CCNY: variants seen among roughly 807,000 people sequenced by gnomAD.
CCNY encodes cyclin-Y.
In CCNY, 19 loss-of-function variants were observed where a neutral mutation model predicts 42.8. That is an observed-to-expected ratio of 0.44 (90% confidence interval 0.31 to 0.65). The LOEUF is 0.65. Among genes scored for constraint, CCNY ranks in the 30% least tolerant of loss-of-function variants. The pLI is 0.07. For missense variants in CCNY, 370 were observed against 437.3 expected (o/e 0.85, Z 1.37); for synonymous variants, 165 against 162.7 (o/e 1.01, Z -0.11).
chr10:35,260,889 T>G (rs34195979), intron 3 of CCNY, among the ~76,000 whole-genome samples: 1 of 151,982 alleles, frequency 6.6e-6, no homozygotes, highest in Non-Finnish European at 1.5e-5. Flanking sequence ...GGCAGGAAGA[T>G]TGCTCAAAGC....
At chr10:35,338,202 A>G (rs1412082534) in intron 1 of CCNY, among the ~76,000 whole-genome samples, 2 of 152,216 alleles carry the variant, frequency 1.3e-5, no homozygotes, top group Admixed American at 1.3e-4. Flanking sequence ...ACAACTTCAT[A>G]ATTCGTTCCT....
chr10:35,250,596 G>T (rs148817546), exon 3 of CCNY: 1 of 152,286 alleles, frequency 6.6e-6, no homozygotes, highest in African/African-American at 2.4e-5. Flanking sequence ...TTCTGTGCAC[G>T]TTCAGTCTGA....
chr10:35,374,726 A>T (rs1194187355), intron 1 of CCNY, among the ~76,000 whole-genome samples: 2 of 152,248 alleles, frequency 1.3e-5, no homozygotes, highest in African/African-American at 4.8e-5. Flanking sequence ...TTGTATTTAT[A>T]GCATACTAGA....
In CCNY at chr10:35,420,657, A is replaced by T. The variant is rs532894402; in HGVS notation, c.155-62747A>T. Among the ~76,000 whole-genome samples the T allele has an allele frequency of 2.0e-4, 31 of 152,324 alleles. No homozygotes were observed. In the South Asian group the frequency reaches 5.8e-3, roughly 29 times the overall value. ...AGTCGCAATCTCACACCAGAATCTC[A>T]CTGGAAAACAAAATCAGACTCTCAC... On this transcript the variant is annotated intron_variant, in intron 1 of 9. Transcript: ENST00000374704.
At chr10:35,417,047 G>A (rs909210159) in intron 1 of CCNY, among the ~76,000 whole-genome samples, 2 of 152,234 alleles carry the variant, frequency 1.3e-5, no homozygotes, top group African/African-American at 4.8e-5. Context: ...TTCTTCAGCA[G>A]TAACACAGAG....
intron 1 of CCNY, among the ~76,000 whole-genome samples, chr10:35,417,049 AAC>A (rs942067404): frequency 3.3e-5 from 5 of 152,234 alleles, no homozygotes; most frequent in African/African-American, 1.2e-4. Context: ...CTTCAGCAGT[AAC>A]ACAGAGTCGA....
chr10:35,325,808 G>A (rs977356533), intron 3 of CCNY, among the ~76,000 whole-genome samples: 1 of 152,118 alleles, frequency 6.6e-6, no homozygotes, highest in Non-Finnish European at 1.5e-5. Flanking sequence ...GTCAGGCCTG[G>A]TGGTTCATGC....
Position 35,466,015 on chromosome 10 carries a change from G to A in CCNY, c.155-17389G>A, listed in dbSNP as rs541385106. On this transcript the variant is annotated intron_variant, in intron 1 of 9. Transcript: ENST00000374704. ...CTGTGGAAAGAAGCTCCTTGAGAGCGAGGACTGGATCTGAAATACCTCTCT... is the reference window on the plus strand; with the variant it reads ...CTGTGGAAAGAAGCTCCTTGAGAGCAAGGACTGGATCTGAAATACCTCTCT... Among the ~76,000 whole-genome samples the A allele has an allele frequency of 2.2e-4, 33 of 152,036 alleles. 1 individual carries two copies. The East Asian group carries it at 6.2e-3, about 29-fold the overall frequency.
chr10:35,375,237 T>C (rs1178593821), intron 1 of CCNY, among the ~76,000 whole-genome samples: 1 of 152,228 alleles, frequency 6.6e-6, no homozygotes, highest in Non-Finnish European at 1.5e-5. Flanking sequence ...CAGTAGGCTG[T>C]GTTTCCTGTT....
At position 35,394,492 on chromosome 10, in the gene CCNY, G is replaced by A. The variant is rs563026075; in HGVS notation, c.154+57285G>A. The stretch of plus-strand genomic sequence containing the variant: ...CATTTGTTTAAAAGACTCATGATGG[G>A]GACAAGGGGGGTTAGGTTGATTGGC... On this transcript the variant is annotated intron_variant, in intron 1 of 9. Coordinates refer to ENST00000374704, the MANE Select transcript of CCNY (RefSeq NM_145012.6). Among the ~76,000 whole-genome samples, 138 of 152,296 alleles carry A rather than the reference G, an allele frequency of 9.1e-4. 1 individual carries two copies. Among genetic ancestry groups the A allele is most frequent in the African/African-American group, 3.0e-3 (123 of 41,564 alleles).
intron 1 of CCNY, among the ~76,000 whole-genome samples, chr10:35,468,360 C>T (rs112093567): frequency 0.028 from 4,208 of 152,208 alleles, 84 homozygotes; most frequent in Middle Eastern, 0.044. Flanking sequence ...TGGGGGGACA[C>T]AAATATTCAG....
intron 1 of CCNY, among the ~76,000 whole-genome samples, chr10:35,398,123 A>G (rs770279239): frequency 3.9e-5 from 6 of 152,170 alleles, no homozygotes; most frequent in African/African-American, 7.2e-5. Context: ...GAGCAAAGCC[A>G]TATGATCAAG....
intron 7 of CCNY, among the ~76,000 whole-genome samples, chr10:35,552,385 C>T (rs574016243): frequency 5.3e-5 from 8 of 152,190 alleles, no homozygotes; most frequent in Non-Finnish European, 1.0e-4. Flanking sequence ...TATTATTTAA[C>T]GGGTATAGAG....
intron 1 of CCNY, among the ~76,000 whole-genome samples, chr10:35,425,568 A>G (rs927223447): frequency 3.9e-5 from 6 of 152,242 alleles, no homozygotes; most frequent in Non-Finnish European, 7.3e-5. Context: ...AAGTGTGAAT[A>G]TGGAAAGGTA....
chr10:35,458,144 T>A (rs2135324625), intron 1 of CCNY, among the ~76,000 whole-genome samples: 1 of 152,356 alleles, frequency 6.6e-6, no homozygotes. Context: ...TGTTTCTGCA[T>A]ACTTGTGCTT....
chr10:35,384,204 C>T (rs1042185767), intron 1 of CCNY, among the ~76,000 whole-genome samples: 1 of 151,872 alleles, frequency 6.6e-6, no homozygotes, highest in Non-Finnish European at 1.5e-5. Context: ...AGGACAATGA[C>T]GGGGATTAAA....
chr10:35,352,692 G>C (rs1836454606), intron 1 of CCNY, among the ~76,000 whole-genome samples: 1 of 152,216 alleles, frequency 6.6e-6, no homozygotes, highest in Admixed American at 6.5e-5. Context: ...AGGTGAGACA[G>C]ATGCAAATAA....
chr10:35,565,193 A>G (rs1413409733), intron 8 of CCNY, among the ~76,000 whole-genome samples: 1 of 152,234 alleles, frequency 6.6e-6, no homozygotes, highest in East Asian at 1.9e-4. Context: ...CCAGCATTCC[A>G]TCAACATGTA....
In CCNY at chr10:35,352,211, T is replaced by C. The variant is rs558772396; in HGVS notation, c.154+15004T>C. Among the ~76,000 whole-genome samples the C allele has an allele frequency of 5.6e-4, 86 of 152,300 alleles. 2 individuals are homozygous for C. The South Asian group carries it at 0.017, about 31-fold the overall frequency. On this transcript the variant is annotated intron_variant, in intron 1 of 9. Coordinates refer to ENST00000374704, the MANE Select transcript of CCNY (RefSeq NM_145012.6). ...TGTCAGTTCTTCAGTTTGACATTCT[T>C]GCTATAGATAGAGGTTATGTAAACA...
Sources: allele counts gnomAD v4.1 joint callset (sites outside exome capture counted in the v4.1 genomes callset), GRCh38; gene constraint gnomAD v4.1.1; transcripts MANE v1.5; gene names NCBI Gene and HGNC (gene_info 2026-07-23, HGNC 2026-07-21).